Variants in HSPBAP1 observed in about 807,000 individuals in gnomAD.
HSPBAP1 encodes the protein HSPB1 associated protein 1.
HSPBAP1 carries 27 observed loss-of-function variants against 45.2 expected under a neutral mutation model. The ratio of observed to expected loss-of-function variants is 0.60; its 90% confidence interval spans 0.44 to 0.82. The LOEUF (loss-of-function observed/expected upper bound fraction) is 0.82, where lower values mean the gene tolerates loss of function less well. HSPBAP1 is among the 40% of genes least tolerant of loss of function. The probability of loss-of-function intolerance (pLI) is 0.00; values close to 1 mark genes in which losing one functional copy is unlikely to be tolerated. For synonymous variants in HSPBAP1, 204 were observed against 202.7 expected (o/e 1.01, Z -0.06); for missense variants, 510 against 590.9 (o/e 0.86, Z 1.42).
intron 1 of HSPBAP1, among the ~76,000 whole-genome samples, chr3:122,779,959 TCC>T (rs547479923): frequency 1.7e-4 from 26 of 151,478 alleles, no homozygotes; most frequent in African/African-American, 6.3e-4. Context: ...TCCCCACCTT[TCC>T]CCCCTTTCCA....
In HSPBAP1 at chr3:122,791,716, T is replaced by A. The variant is rs552695795; in HGVS notation, c.64+1901A>T. On this transcript the variant is annotated intron_variant, in intron 1 of 7. Transcript: ENST00000306103. ...GTGACATACTTTAAAAGCTAAAGAT[T>A]AAGCCAGCTATGTGAAAAGCCAAAG... is the stretch of plus-strand genomic sequence containing the variant. Among the ~76,000 whole-genome samples, 4 of 152,220 alleles carry A rather than the reference T, an allele frequency of 2.6e-5. No individual in the cohort carries two copies. The South Asian group carries it at 8.3e-4, about 32-fold the overall frequency.
intron 4 of HSPBAP1, 112 bp from the exon 5 acceptor site, chr3:122,755,543 AG>A: frequency 1.4e-6 from 1 of 733,820 alleles, no homozygotes; most frequent in Non-Finnish European, 2.1e-6. Context: ...TCAATCCCTA[AG>A]GGAATATAGG....
At chr3:122,741,149 G>A (rs115650873) in intron 6 of HSPBAP1, 36 bp from the exon 7 acceptor site, 1 of 1,409,108 alleles carries the variant, frequency 7.1e-7, no homozygotes, top group South Asian at 1.2e-5. Flanking sequence ...CTTCTGTTAA[G>A]TCTCATGGCT....
chr3:122,789,759 G>A (rs938096751), intron 1 of HSPBAP1, among the ~76,000 whole-genome samples: 1 of 152,042 alleles, frequency 6.6e-6, no homozygotes, highest in Non-Finnish European at 1.5e-5. Flanking sequence ...TTAGTTCCAC[G>A]ATTTTATGCT....
At chr3:122,758,896 CAAAAAAAAAAA>C (rs11369405) in intron 4 of HSPBAP1, 1 of 199,312 alleles carries the variant, frequency 5.0e-6, no homozygotes, top group Admixed American at 7.2e-5. Context: ...TCTAATTTAC[CAAAAAAAAAAA>C]AAAAAAAAAG....
chr3:122,774,652 G>A (rs1053088362), intron 2 of HSPBAP1, among the ~76,000 whole-genome samples: 7 of 152,180 alleles, frequency 4.6e-5, no homozygotes, highest in Non-Finnish European at 1.5e-5. Context: ...GGAAGGGAGG[G>A]CAAGGGGTGC....
In HSPBAP1 at chr3:122,780,239, C is replaced by T. The variant is rs1388655368; in HGVS notation, c.65-2333G>A. Reference sequence around the variant, plus strand: ...GGCGGCTGGCCGGGCGGGGGGCTGACCCCCCCACCTCCCTCCCGGACGGGG... The same window carrying T: ...GGCGGCTGGCCGGGCGGGGGGCTGATCCCCCCACCTCCCTCCCGGACGGGG... On this transcript the variant is annotated intron_variant, in intron 1 of 7. Coordinates refer to ENST00000306103, the MANE Select transcript of HSPBAP1 (RefSeq NM_024610.6). Among the ~76,000 whole-genome samples, 135 of 52,472 alleles carry T rather than the reference C, an allele frequency of 2.6e-3. 15 individuals are homozygous for T. Among genetic ancestry groups the T allele is most frequent in the African/African-American group, 9.8e-3 (128 of 13,024 alleles). 34.4% of individuals were successfully genotyped at this position (52,472 alleles called of 152,430 possible). A position where few individuals can be genotyped will look rare whatever the true frequency, so the allele number is the denominator to read the frequency against.
chr3:122,784,353 ATAAT>A (rs756748111), intron 1 of HSPBAP1, among the ~76,000 whole-genome samples: 4 of 152,356 alleles, frequency 2.6e-5, no homozygotes, highest in East Asian at 1.9e-4. Context: ...ACTGTAACAA[ATAAT>A]TAATCATAAG....
intron 3 of HSPBAP1, among the ~76,000 whole-genome samples, chr3:122,760,339 C>G (rs895540203): frequency 6.6e-6 from 1 of 151,420 alleles, no homozygotes; most frequent in Non-Finnish European, 1.5e-5. Flanking sequence ...TGAGGTTTTC[C>G]TTTCAGTTTT....
In HSPBAP1 at chr3:122,759,078, G is replaced by A. The variant is rs1406402124; in HGVS notation, c.569+146C>T. On this transcript the variant is annotated intron_variant, in intron 4 of 7. Coordinates refer to ENST00000306103, the MANE Select transcript of HSPBAP1 (RefSeq NM_024610.6). ...AGAAACCAAAACCAGAGGTTAAGAG[G>A]TCTGCCCTAATCATGAGGCAGGCTG... 2.4e-6 allele frequency: 3 copies of A among 1,228,830 alleles called. No individual in the cohort carries two copies. In the African/African-American group the frequency reaches 4.5e-5, roughly 19 times the overall value. The allele number at this position is 1,228,830 out of a possible 1,614,324, so 76.1% of individuals were successfully genotyped here. A position where few individuals can be genotyped will look rare whatever the true frequency, so the allele number is the denominator to read the frequency against.
At chr3:122,763,629 T>C (rs1344788667) in intron 3 of HSPBAP1, among the ~76,000 whole-genome samples, 9 of 152,220 alleles carry the variant, frequency 5.9e-5, no homozygotes, top group Non-Finnish European at 1.0e-4. Context: ...AAAGATCCTC[T>C]GAAAGGGTGT....
intron 3 of HSPBAP1, among the ~76,000 whole-genome samples, chr3:122,759,925 GTTAC>G (rs970251437): frequency 7.2e-5 from 11 of 152,160 alleles, no homozygotes; most frequent in Non-Finnish European, 1.6e-4. Context: ...CATTAGTGGG[GTTAC>G]TTAAAACTAT....
chr3:122,741,730 A>T (rs1159327448), intron 6 of HSPBAP1: 2 of 152,210 alleles, frequency 1.3e-5, no homozygotes, highest in Admixed American at 1.3e-4. Context: ...AGAAATGAGC[A>T]AATTTTAAAA....
Position 122,777,905 on chromosome 3 carries a change from A to G in HSPBAP1, c.66T>C (p.Gly22=). 6.2e-7 allele frequency: 1 copy of G among 1,608,544 alleles called. No individual in the cohort carries two copies. Among genetic ancestry groups the G allele is most frequent in the Non-Finnish European group, 8.5e-7 (1 of 1,175,668 alleles). Residue 22 remains glycine (G), a splice_region_variant and synonymous_variant, in exon 2 of 8, where the codon GGT becomes GGC. Coordinates refer to ENST00000306103, the MANE Select transcript of HSPBAP1 (RefSeq NM_024610.6). ...CTGGCTTAAAAGGTTTGACATGTTC[A>G]CCTAGAAAGAGAAATGAATACAGCA... ...IVAAGAGGEE[G]EHVKPFKPEK...
chr3:122,779,337 G>A (rs1455001643), intron 1 of HSPBAP1, among the ~76,000 whole-genome samples: 4 of 151,220 alleles, frequency 2.6e-5, no homozygotes, highest in South Asian at 2.1e-4. Context: ...CACCGCACCC[G>A]GCCACATAGA....
At position 122,793,732 on chromosome 3, in the gene HSPBAP1, T is replaced by G; in HGVS notation, c.-52A>C. 1 of 1,585,644 alleles carries G rather than the reference T, an allele frequency of 6.3e-7. No homozygotes were observed. Among genetic ancestry groups the G allele is most frequent in the South Asian group, 1.1e-5 (1 of 90,468 alleles). On this transcript the variant is annotated 5_prime_UTR_variant, in exon 1 of 8. Transcript: ENST00000306103. ...AACCCAAGGCGGAGCGGAGCTGGGG[T>G]GGGGTCAGAGTAGGGGCCAAACTCC... is the stretch of plus-strand genomic sequence containing the variant.
At chr3:122,786,887 A>C (rs1400288198) in intron 1 of HSPBAP1, among the ~76,000 whole-genome samples, 1 of 152,246 alleles carries the variant, frequency 6.6e-6, no homozygotes. Flanking sequence ...AATCAACAAT[A>C]AACTGGGCCA....
chr3:122,752,994 A>T, intron 5 of HSPBAP1: 1 of 1,047,396 alleles, frequency 9.5e-7, no homozygotes. Flanking sequence ...GTCACAAAAT[A>T]GTTGCGTGCA....
At position 122,793,468 on chromosome 3, in the gene HSPBAP1, C is replaced by T. The variant is rs577407892; in HGVS notation, c.64+149G>A. 78 of 685,912 alleles carry T rather than the reference C, an allele frequency of 1.1e-4. No individual in the cohort carries two copies. The African/African-American group carries it at 1.3e-3, about 12-fold the overall frequency. 42.5% of individuals were successfully genotyped at this position (685,912 alleles called of 1,614,324 possible). ...GCCACAATTCGAGAAATGCCACGCT[C>T]ACTAGAAAATATAGATTTTTCTTCA... is the stretch of plus-strand genomic sequence containing the variant. On this transcript the variant is annotated intron_variant, in intron 1 of 7. Transcript: ENST00000306103.
Sources: gnomAD v4.1 joint callset for allele counts (sites outside exome capture counted in the v4.1 genomes callset) on GRCh38, gnomAD v4.1.1 for gene constraint, MANE v1.5 for transcripts, NCBI Gene and HGNC (gene_info 2026-07-23, HGNC 2026-07-21) for gene names.